Variants in PTPRT observed in about 807,000 individuals in gnomAD.
The protein encoded by PTPRT is receptor-type tyrosine-protein phosphatase T.
Under a neutral mutation model 176.8 loss-of-function variants are expected in PTPRT, and 56 were observed. That is an observed-to-expected ratio of 0.32 (90% CI 0.26 to 0.40). The LOEUF is 0.40. Ranked by LOEUF, PTPRT falls within the 10% of genes least tolerant of loss-of-function variation. PTPRT has a pLI of 1.00. For synonymous variants in PTPRT, 783 were observed against 739.0 expected (o/e 1.06, Z -0.96); for missense variants, 1,540 against 1,908.2 (o/e 0.81, Z 3.60).
At chr20:43,000,041 T>A (rs1389641980) in intron 1 of PTPRT, among the ~76,000 whole-genome samples, 1 of 102,482 alleles carries the variant, frequency 9.8e-6, no homozygotes, top group Non-Finnish European at 1.8e-5. Flanking sequence ...AAGGGAAGAA[T>A]GGAGGAAGGG....
At chr20:43,109,035 T>C (rs1472602686) in intron 1 of PTPRT, among the ~76,000 whole-genome samples, 2 of 152,144 alleles carry the variant, frequency 1.3e-5, no homozygotes, top group African/African-American at 2.4e-5. Context: ...TCCAAGGAGT[T>C]ATCTGAGAGC....
intron 4 of PTPRT, among the ~76,000 whole-genome samples, chr20:42,772,643 G>A (rs924714329): frequency 6.6e-6 from 1 of 152,148 alleles, no homozygotes; most frequent in Admixed American, 6.5e-5. Flanking sequence ...GAGGCACAAT[G>A]AAGGATCTCT....
chr20:42,405,261 T>C (rs2058949998), intron 9 of PTPRT, among the ~76,000 whole-genome samples: 1 of 151,792 alleles, frequency 6.6e-6, no homozygotes, highest in East Asian at 1.9e-4. Flanking sequence ...GTTACATATG[T>C]ATACATGTGC....
intron 1 of PTPRT, among the ~76,000 whole-genome samples, chr20:43,013,738 C>T (rs970199259): frequency 6.6e-6 from 1 of 152,152 alleles, no homozygotes; most frequent in African/African-American, 2.4e-5. Context: ...TTTCTGAGCA[C>T]CTACTTTGAT....
intron 1 of PTPRT, among the ~76,000 whole-genome samples, chr20:43,067,169 T>C (rs2011119646): frequency 6.6e-6 from 1 of 152,182 alleles, no homozygotes; most frequent in Non-Finnish European, 1.5e-5. Context: ...CGACACATGC[T>C]ACAGTATGGA....
At chr20:42,640,249 T>A (rs1028732889) in intron 7 of PTPRT, among the ~76,000 whole-genome samples, 1 of 152,178 alleles carries the variant, frequency 6.6e-6, no homozygotes, top group Non-Finnish European at 1.5e-5. Flanking sequence ...TATTTTTTTA[T>A]TGGTAGTTAT....
At chr20:42,986,306 C>T (rs1255263386) in intron 1 of PTPRT, among the ~76,000 whole-genome samples, 3 of 152,176 alleles carry the variant, frequency 2.0e-5, no homozygotes, top group Non-Finnish European at 1.5e-5. Flanking sequence ...GTTCCCAGCC[C>T]CTCTGTGACT....
chr20:42,855,488 G>A (rs1057302862), intron 2 of PTPRT, among the ~76,000 whole-genome samples: 1 of 135,832 alleles, frequency 7.4e-6, no homozygotes, highest in African/African-American at 2.9e-5. Flanking sequence ...CTGGAGTGCT[G>A]TGGTACAATC....
At chr20:42,187,241 G>A (rs1990818081) in intron 16 of PTPRT, among the ~76,000 whole-genome samples, 1 of 152,004 alleles carries the variant, frequency 6.6e-6, no homozygotes. Flanking sequence ...CATTTCTTAT[G>A]CTACTAATGG....
At chr20:42,612,058 T>C (rs760235262) in intron 7 of PTPRT, among the ~76,000 whole-genome samples, 21 of 152,236 alleles carry the variant, frequency 1.4e-4, no homozygotes, top group South Asian at 4.2e-4. Flanking sequence ...TTCAGCCTCC[T>C]GCTGAATGAG....
rs547621156 is a variant in PTPRT, at chr20:43,011,660, C to T, written c.89-125728G>A. Among the ~76,000 whole-genome samples, 229 of 152,218 alleles carry T rather than the reference C, an allele frequency of 1.5e-3. 1 individual carries two copies. The highest frequency in any genetic ancestry group is 6.8e-3 in the Middle Eastern group (2 of 294). On this transcript the variant is annotated intron_variant, in intron 1 of 30. Transcript: ENST00000373187. ...ATGATGGCCCAAAATTGGAATCAACCCAAATTTCCACCCATGGATGAACAG... is the reference window on the plus strand; with the variant it reads ...ATGATGGCCCAAAATTGGAATCAACTCAAATTTCCACCCATGGATGAACAG...
At chr20:42,464,471 G>A (rs1256082981) in intron 8 of PTPRT, among the ~76,000 whole-genome samples, 1 of 152,098 alleles carries the variant, frequency 6.6e-6, no homozygotes, top group Non-Finnish European at 1.5e-5. Context: ...GTAAGATTTT[G>A]AATTCTATTT....
In PTPRT at chr20:42,084,728, G is replaced by A; in HGVS notation, c.4090C>T (p.Gln1364Ter). The part of the protein sequence containing the change: ...LKVVRRLEKW[Q>*]EQYDGREGRT... ...CCCTCCCTCCCGTCATACTGCTCCT[G>A]CCACTTCTCCAGTCGTCGGACCACT... Residue 1364 changes from glutamine to a stop codon, truncating the protein, a stop_gained, in exon 29 of 31, where the codon CAG becomes TAG. Coordinates refer to ENST00000373187, the MANE Select transcript of PTPRT (RefSeq NM_007050.6). LOFTEE classifies it high-confidence loss of function. The A allele has an allele frequency of 6.4e-7, 1 of 1,568,564 alleles. No individual in the cohort carries two copies. Among genetic ancestry groups the A allele is most frequent in the Non-Finnish European group, 8.7e-7 (1 of 1,154,264 alleles).
chr20:42,310,998 A>G (rs1178880241), intron 12 of PTPRT, among the ~76,000 whole-genome samples: 1 of 152,190 alleles, frequency 6.6e-6, no homozygotes, highest in Non-Finnish European at 1.5e-5. Context: ...AATACTTCAT[A>G]TTCACAGATC....
At position 42,972,620 on chromosome 20, in the gene PTPRT, G is replaced by A. The variant is rs369838313; in HGVS notation, c.89-86688C>T. ...GGAGGTTGCAGTGAGTTGAGATCAC[G>A]GATCGTGTCCCTGCACTCCAGCCTG... On this transcript the variant is annotated intron_variant, in intron 1 of 30. Coordinates refer to ENST00000373187, the MANE Select transcript of PTPRT (RefSeq NM_007050.6). Among the ~76,000 whole-genome samples the A allele has an allele frequency of 1.6e-4, 23 of 146,204 alleles. No individual in the cohort carries two copies. The South Asian group carries it at 4.5e-3, about 29-fold the overall frequency.
chr20:42,396,571 T>C (rs2058851906), intron 9 of PTPRT, among the ~76,000 whole-genome samples: 1 of 152,146 alleles, frequency 6.6e-6, no homozygotes, highest in African/African-American at 2.4e-5. Flanking sequence ...TGCACTTTCT[T>C]TTTTGTTTGA....
At chr20:43,100,250 G>A (rs752726271) in intron 1 of PTPRT, among the ~76,000 whole-genome samples, 20 of 152,006 alleles carry the variant, frequency 1.3e-4, no homozygotes, top group Non-Finnish European at 2.6e-4. Flanking sequence ...CATGACACAC[G>A]CCTGTAATCC....
intron 2 of PTPRT, among the ~76,000 whole-genome samples, chr20:42,825,338 C>A (rs1216979488): frequency 6.6e-6 from 1 of 151,790 alleles, no homozygotes; most frequent in Non-Finnish European, 1.5e-5. Context: ...ATTTCAACAC[C>A]CAAGTGTAAG....
intron 1 of PTPRT, among the ~76,000 whole-genome samples, chr20:43,182,366 A>T (rs2015278756): frequency 6.6e-6 from 1 of 152,030 alleles, no homozygotes; most frequent in Non-Finnish European, 1.5e-5. Context: ...GACGCTAAGA[A>T]AGTTAGAAGT....
Sources: allele counts gnomAD v4.1 joint callset (sites outside exome capture counted in the v4.1 genomes callset), GRCh38; gene constraint gnomAD v4.1.1; transcripts MANE v1.5; gene names NCBI Gene and HGNC (gene_info 2026-07-23, HGNC 2026-07-21).